Variants in PUM3 observed in about 807,000 individuals in gnomAD.
PUM3 encodes the protein pumilio RNA binding family member 3, also known as pumilio homolog 3.
In PUM3, 91 loss-of-function variants were observed where a neutral mutation model predicts 84.0. The ratio of observed to expected loss-of-function variants is 1.08; its 90% confidence interval spans 0.91 to 1.29. The LOEUF (loss-of-function observed/expected upper bound fraction) is 1.29, where lower values mean the gene tolerates loss of function less well. Among genes scored for constraint, PUM3 ranks in the 50% most tolerant of loss-of-function variants. The pLI, the probability that PUM3 is intolerant of heterozygous loss-of-function variation, is 0.00. For missense variants in PUM3, 1,067 were observed against 767.5 expected, an observed-to-expected ratio of 1.39 and a Z score of -4.61; for synonymous variants, 321 against 266.7, an observed-to-expected ratio of 1.20 and a Z score of -1.98.
At chr9:2,812,014 T>C (rs1451849308) in intron 14 of PUM3, among the ~76,000 whole-genome samples, 1 of 152,154 alleles carries the variant, frequency 6.6e-6, no homozygotes, top group Non-Finnish European at 1.5e-5. Context: ...ATGTGCCAGG[T>C]GCTCAGGTGT....
chr9:2,842,942 C>A (rs1192587053), intron 1 of PUM3, among the ~76,000 whole-genome samples: 1 of 152,194 alleles, frequency 6.6e-6, no homozygotes, highest in Non-Finnish European at 1.5e-5. Flanking sequence ...TTACCCTTGA[C>A]ATTTTCCTCT....
At chr9:2,815,420 A>G (rs552872820) in intron 13 of PUM3, among the ~76,000 whole-genome samples, 106 of 152,314 alleles carry the variant, frequency 7.0e-4, no homozygotes, top group African/African-American at 2.5e-3. Context: ...GTGTACTAAC[A>G]ATTCCAGTAA....
chr9:2,839,472 C>T (rs373392615), intron 1 of PUM3, among the ~76,000 whole-genome samples: 11 of 152,182 alleles, frequency 7.2e-5, no homozygotes, highest in Admixed American at 2.0e-4. Context: ...CAAGAATCAG[C>T]CCGTAAGAAA....
chr9:2,811,563 C>T lies in PUM3; in HGVS notation c.1433G>A (p.Arg478His), dbSNP rs377692147. ...AATGGATTCTAGGAGCTCCCGTCTG[C>T]GGACCTCTGTATCTTTCTTACTGTT... ...NAHSKKDTEV[R>H]RRELLESISP... Residue 478 changes from arginine to histidine, a missense_variant, in exon 15 of 18, where the codon CGC becomes CAC. Arg to His is a conservative substitution (Grantham distance 29, BLOSUM62 0). Transcript: ENST00000397885. 2.2e-5 allele frequency: 35 copies of T among 1,613,598 alleles called. No individual in the cohort carries two copies. Among genetic ancestry groups the T allele is most frequent in the African/African-American group, 8.0e-5 (6 of 74,884 alleles).
intron 13 of PUM3, among the ~76,000 whole-genome samples, chr9:2,817,642 T>C (rs2129815102): frequency 6.6e-6 from 1 of 152,218 alleles, no homozygotes; most frequent in Admixed American, 6.5e-5. Context: ...AGTGAAAGGA[T>C]AAGGAAATGC....
chr9:2,833,224 G>T, intron 5 of PUM3, 133 bp downstream of exon 5: 1 of 484,426 alleles, frequency 2.1e-6, no homozygotes, highest in South Asian at 4.1e-5. Context: ...CAGTGTTATG[G>T]AAGATATTTA....
intron 17 of PUM3, among the ~76,000 whole-genome samples, chr9:2,804,677 C>T (rs1324193653): frequency 1.3e-5 from 2 of 152,154 alleles, no homozygotes; most frequent in African/African-American, 4.8e-5. Flanking sequence ...TGGAGTCACC[C>T]AAGCAAAGAC....
chr9:2,834,678 C>A (rs1816072956), intron 3 of PUM3, among the ~76,000 whole-genome samples: 1 of 152,080 alleles, frequency 6.6e-6, no homozygotes, highest in Admixed American at 6.5e-5. Flanking sequence ...GGAAAAAGAA[C>A]AAAGCAGTTG....
intron 17 of PUM3, among the ~76,000 whole-genome samples, chr9:2,804,950 T>C (rs970083353): frequency 2.6e-5 from 4 of 152,200 alleles, no homozygotes; most frequent in African/African-American, 9.7e-5. Flanking sequence ...TTAGCAGGTC[T>C]TCTCACTGAA....
chr9:2,841,891 T>C (rs919643505), intron 1 of PUM3, among the ~76,000 whole-genome samples: 1 of 152,156 alleles, frequency 6.6e-6, no homozygotes, highest in African/African-American at 2.4e-5. Flanking sequence ...GGTGTATAAT[T>C]CCACGGGCTT....
rs2129822532 is a variant in PUM3, at chr9:2,820,104, A to C, written c.1189-6T>G. ...ACCAAATGGGAGTATTGGCCCTGCAAGAATTGGAAGCCAGCAAAGGTTAAA... is the reference window on the plus strand; with the variant it reads ...ACCAAATGGGAGTATTGGCCCTGCACGAATTGGAAGCCAGCAAAGGTTAAA... On this transcript the variant is annotated splice_region_variant and splice_polypyrimidine_tract_variant and intron_variant, in intron 12 of 17. Coordinates refer to ENST00000397885, the MANE Select transcript of PUM3 (RefSeq NM_014878.5). 6.2e-7 allele frequency: 1 copy of C among 1,600,564 alleles called. No homozygotes were observed. The highest frequency in any genetic ancestry group is 8.6e-7 in the Non-Finnish European group (1 of 1,168,418).
intron 8 of PUM3, 76 bp from the exon 9 acceptor site, chr9:2,828,854 G>A (rs1211542455): frequency 1.2e-6 from 1 of 824,986 alleles, no homozygotes; most frequent in East Asian, 2.5e-5. Flanking sequence ...AAAGTAATTA[G>A]TCATTTTAAA....
At chr9:2,843,576 T>C (rs1191950730) in intron 1 of PUM3, among the ~76,000 whole-genome samples, 2 of 137,474 alleles carry the variant, frequency 1.5e-5, no homozygotes, top group Non-Finnish European at 3.2e-5. Context: ...CGCCCTTCTT[T>C]TTTTTTTTTT....
rs1477709680 is a variant in PUM3 at position 2,827,127 on chromosome 9, C to T, written c.981G>A (p.Leu327=). ...AAAAGTCCAAGAATACTTTATGCAC[C>T]AATGAGTGCTTAATCACAGCTTCCC... is the stretch of plus-strand genomic sequence containing the variant. ...AQKEAVIKHS[L]VHKVFLDFFT... Residue 327 remains leucine (L), a synonymous_variant, in exon 10 of 18, where the codon TTG becomes TTA. Transcript: ENST00000397885. 5.0e-6 allele frequency: 8 copies of T among 1,607,820 alleles called. No individual in the cohort carries two copies. The highest frequency in any genetic ancestry group is 6.8e-6 in the Non-Finnish European group (8 of 1,177,498).
At chr9:2,817,126 A>C (rs989711526) in intron 13 of PUM3, among the ~76,000 whole-genome samples, 1 of 152,276 alleles carries the variant, frequency 6.6e-6, no homozygotes, top group Non-Finnish European at 1.5e-5. Flanking sequence ...ATACACAAGA[A>C]TGTTCAAGGA....
Position 2,807,983 on chromosome 9 carries a change from T to A in PUM3, c.1724-79A>T, listed in dbSNP as rs534034236. On this transcript the variant is annotated intron_variant, in intron 16 of 17. Coordinates refer to ENST00000397885, the MANE Select transcript of PUM3 (RefSeq NM_014878.5). Reference sequence around the variant, plus strand: ...TACCCCCTTCTCTACTGCCCTTAAATCTGCAAATATTTTTAAACAAAAAAG... The same window carrying A: ...TACCCCCTTCTCTACTGCCCTTAAAACTGCAAATATTTTTAAACAAAAAAG... 4 of 843,070 alleles carry A rather than the reference T, an allele frequency of 4.7e-6. No homozygotes were observed. The South Asian group carries it at 6.5e-5, about 14-fold the overall frequency. The allele number at this position is 843,070 out of a possible 1,614,324, so 52.2% of individuals were successfully genotyped here. A position where few individuals can be genotyped will look rare whatever the true frequency, so the allele number is the denominator to read the frequency against.
chr9:2,809,110 C>CT (rs1388801781), intron 16 of PUM3, among the ~76,000 whole-genome samples: 1 of 152,168 alleles, frequency 6.6e-6, no homozygotes, highest in Non-Finnish European at 1.5e-5. Flanking sequence ...CTAGATGACT[C>CT]TGACTCTGAG....
intron 5 of PUM3, among the ~76,000 whole-genome samples, chr9:2,831,986 G>A (rs1815995432): frequency 6.6e-6 from 1 of 152,030 alleles, no homozygotes; most frequent in Admixed American, 6.6e-5. Context: ...AGGACCCACT[G>A]ACCAATTTTC....
intron 14 of PUM3, among the ~76,000 whole-genome samples, 194 bp from the exon 15 acceptor site, chr9:2,811,777 C>T (rs190888889): frequency 2.0e-5 from 3 of 149,264 alleles, no homozygotes; most frequent in Non-Finnish European, 3.0e-5. Flanking sequence ...TTGTGTCCCA[C>T]GATCTGAATA....
Sources: gnomAD v4.1 joint callset for allele counts (sites outside exome capture counted in the v4.1 genomes callset) on GRCh38, gnomAD v4.1.1 for gene constraint, MANE v1.5 for transcripts, NCBI Gene and HGNC (gene_info 2026-07-23, HGNC 2026-07-21) for gene names.